Variants in DPP6 observed in about 807,000 individuals in gnomAD.
DPP6 encodes A-type potassium channel modulatory protein DPP6.
DPP6 carries 69 observed loss-of-function variants against 122.6 expected under a neutral mutation model. The observed-to-expected ratio is 0.56, with a 90% confidence interval of 0.46 to 0.69. The LOEUF is 0.69. Among genes scored for constraint, DPP6 ranks in the 30% least tolerant of loss-of-function variants. The pLI is 0.00. For missense variants in DPP6, 928 were observed against 1,116.9 expected (o/e 0.83, Z 2.41); for synonymous variants, 418 against 433.1 (o/e 0.97, Z 0.43).
intron 1 of DPP6, among the ~76,000 whole-genome samples, chr7:154,347,860 G>A (rs1810526224): frequency 6.6e-6 from 1 of 152,186 alleles, no homozygotes. Context: ...CCAACTTGTG[G>A]AGTGAACCAG....
chr7:154,600,514 G>A (rs78112715), intron 5 of DPP6, among the ~76,000 whole-genome samples: 5,823 of 120,450 alleles, frequency 0.048, 1,260 homozygotes, highest in African/African-American at 0.14. Context: ...TAGGTGCCAG[G>A]CACCATGTCA....
the DPP6 span, among the ~76,000 whole-genome samples, chr7:153,865,938 T>G: frequency 4.6e-5 from 7 of 152,056 alleles, no homozygotes; most frequent in Non-Finnish European, 7.4e-5. Flanking sequence ...TTGCTGAGAA[T>G]GATGGTTTCC....
intron 1 of DPP6, among the ~76,000 whole-genome samples, chr7:153,917,703 T>G (rs1444536511): frequency 6.6e-6 from 1 of 152,230 alleles, no homozygotes; most frequent in African/African-American, 2.4e-5. Flanking sequence ...GTGGATTATA[T>G]GTGGTTATTC....
chr7:154,163,122 G>T, intron 1 of DPP6, among the ~76,000 whole-genome samples: 1 of 152,014 alleles, frequency 6.6e-6, no homozygotes, highest in Admixed American at 6.5e-5. Context: ...ACTTGCTAGT[G>T]TTGTATGGAA....
rs7802809 is a variant in DPP6, at chr7:154,063,851, G to C, written c.243+10788G>C. ...TCCGACGGCAAGTGCATGATAGTCTGCATGAAACCCTAATAAAAAAGACAG... is the reference window on the plus strand; with the variant it reads ...TCCGACGGCAAGTGCATGATAGTCTCCATGAAACCCTAATAAAAAAGACAG... On this transcript the variant is annotated intron_variant, in intron 1 of 25. Coordinates refer to ENST00000377770, the MANE Select transcript of DPP6 (RefSeq NM_130797.4). 6.8e-3 allele frequency among the ~76,000 whole-genome samples: 1,029 copies of C among 151,468 alleles called. 18 individuals are homozygous for C. The highest frequency in any genetic ancestry group is 0.024 in the African/African-American group (972 of 41,224).
chr7:153,757,411 C>T, the DPP6 span, among the ~76,000 whole-genome samples: 2 of 152,162 alleles, frequency 1.3e-5, no homozygotes, highest in Non-Finnish European at 1.5e-5. Context: ...ACTGGGGCCT[C>T]GTGGAAACTT....
At chr7:154,552,538 C>G (rs1829713688) in intron 4 of DPP6, among the ~76,000 whole-genome samples, 1 of 152,190 alleles carries the variant, frequency 6.6e-6, no homozygotes, top group Non-Finnish European at 1.5e-5. Context: ...TTGCCAGGAT[C>G]TGCATGAAGG....
intron 8 of DPP6, among the ~76,000 whole-genome samples, chr7:154,746,369 A>C (rs748212958): frequency 9.2e-5 from 14 of 152,162 alleles, no homozygotes; most frequent in Admixed American, 2.0e-4. Context: ...AGGACACAGC[A>C]CTGATATGAT....
chr7:154,253,818 C>G (rs908042962), intron 1 of DPP6, among the ~76,000 whole-genome samples: 2 of 152,194 alleles, frequency 1.3e-5, no homozygotes, highest in Non-Finnish European at 2.9e-5. Context: ...AATTGAGTCA[C>G]AGATCCACAG....
intron 1 of DPP6, among the ~76,000 whole-genome samples, chr7:154,005,797 C>T (rs1210799819): frequency 6.6e-6 from 1 of 151,528 alleles, no homozygotes; most frequent in African/African-American, 2.4e-5. Context: ...TGGACTCTCA[C>T]TTCACCTTCC....
chr7:153,977,825 T>C (rs1322198378), intron 1 of DPP6, among the ~76,000 whole-genome samples: 1 of 151,884 alleles, frequency 6.6e-6, no homozygotes, highest in African/African-American at 2.4e-5. Flanking sequence ...TCTGTTCCTG[T>C]TTGTTTGCTG....
chr7:154,023,513 C>G (rs975059264), intron 1 of DPP6, among the ~76,000 whole-genome samples: 2 of 151,694 alleles, frequency 1.3e-5, no homozygotes, highest in Non-Finnish European at 2.9e-5. Flanking sequence ...CAGAGTTTCA[C>G]TCTTGTTGCC....
In DPP6 at chr7:154,088,333, T is replaced by G. The variant is rs2533652; in HGVS notation, c.243+35270T>G. Among the ~76,000 whole-genome samples, 80 of 138,028 alleles carry G rather than the reference T, an allele frequency of 5.8e-4. 2 individuals are homozygous for G. In the Middle Eastern group the frequency reaches 0.015, roughly 26 times the overall value. The allele number at this position is 138,028 out of a possible 152,430, so 90.6% of individuals were successfully genotyped here. On this transcript the variant is annotated intron_variant, in intron 1 of 25. Transcript: ENST00000377770. Reference sequence around the variant, plus strand: ...CAACACCAACCACGATGCCTGCCGTTTTCCCTGAGATGTTCTGTGCCCTCT... The same window carrying G: ...CAACACCAACCACGATGCCTGCCGTGTTCCCTGAGATGTTCTGTGCCCTCT...
intron 1 of DPP6, chr7:154,093,593 A>C (rs906248319): frequency 7.2e-6 from 1 of 138,900 alleles, no homozygotes; most frequent in Non-Finnish European, 1.6e-5. Context: ...CACACACACC[A>C]TACCCCACAC....
At chr7:154,243,409 C>G (rs1424036044) in intron 1 of DPP6, among the ~76,000 whole-genome samples, 1 of 151,932 alleles carries the variant, frequency 6.6e-6, no homozygotes, top group Non-Finnish European at 1.5e-5. Context: ...AATGAGTAAA[C>G]AGAGGGAAAG....
intron 1 of DPP6, among the ~76,000 whole-genome samples, chr7:154,235,938 T>C (rs2150861855): frequency 6.6e-6 from 1 of 152,296 alleles, no homozygotes; most frequent in African/African-American, 2.4e-5. Flanking sequence ...CTACAGCCTC[T>C]GTCTCCCGGG....
At chr7:153,941,289 C>T (rs1392718457) in intron 1 of DPP6, among the ~76,000 whole-genome samples, 1 of 152,178 alleles carries the variant, frequency 6.6e-6, no homozygotes, top group Non-Finnish European at 1.5e-5. Context: ...GCCTGTGACC[C>T]ACGAATGCCA....
At chr7:153,956,972 A>G (rs999570650) in intron 1 of DPP6, among the ~76,000 whole-genome samples, 1 of 152,180 alleles carries the variant, frequency 6.6e-6, no homozygotes, top group Non-Finnish European at 1.5e-5. Flanking sequence ...CGAAACCCAG[A>G]TATGTTCTTA....
At chr7:154,837,808 A>G (rs1284333347) in intron 16 of DPP6, among the ~76,000 whole-genome samples, 2 of 152,230 alleles carry the variant, frequency 1.3e-5, no homozygotes, top group Admixed American at 6.5e-5. Context: ...TAGTATGAGT[A>G]TCATTGCTCA....
Sources: allele counts gnomAD v4.1 joint callset (sites outside exome capture counted in the v4.1 genomes callset), GRCh38; gene constraint gnomAD v4.1.1; transcripts MANE v1.5; gene names NCBI Gene and HGNC (gene_info 2026-07-23, HGNC 2026-07-21).